The following IRAK3 variants were observed in gnomAD, a reference collection of about 807,000 sequenced individuals.
The protein encoded by IRAK3 is interleukin-1 receptor-associated kinase 3.
A neutral mutation model predicts 56.6 loss-of-function variants in IRAK3; 57 were observed. That is an observed-to-expected ratio of 1.01 (90% CI 0.81 to 1.26). The LOEUF is 1.26. Among genes scored for constraint, IRAK3 ranks in the 50% most tolerant of loss-of-function variants. The probability of loss-of-function intolerance (pLI) is 0.00; values close to 1 mark genes in which losing one functional copy is unlikely to be tolerated. For synonymous variants in IRAK3, 258 were observed against 255.7 expected (o/e 1.01, Z -0.09); for missense variants, 703 against 719.0 (o/e 0.98, Z 0.25).
rs149387831 is a variant in IRAK3 at position 66,224,020 on chromosome 12, G to A, written c.654-2703G>A. 3.7e-3 allele frequency among the ~76,000 whole-genome samples: 555 copies of A among 151,918 alleles called. 4 individuals carry two copies. The highest frequency in any genetic ancestry group is 0.012 in the African/African-American group (515 of 41,428). ...TTGTCTAGGTTTCAAAAATTCTATC[G>A]GCATTTTTAATGCAATTTTAATAAC... On this transcript the variant is annotated intron_variant, in intron 6 of 11. Coordinates refer to ENST00000261233, the MANE Select transcript of IRAK3 (RefSeq NM_007199.3).
chr12:66,246,106 G>A (rs1003951144), intron 11 of IRAK3, among the ~76,000 whole-genome samples: 3 of 152,016 alleles, frequency 2.0e-5, no homozygotes, highest in African/African-American at 7.2e-5. Context: ...TTGCCGTGGA[G>A]CATGAATTCA....
intron 8 of IRAK3, chr12:66,234,850 C>A (rs1224835362): frequency 1.9e-6 from 3 of 1,611,022 alleles, no homozygotes; most frequent in Non-Finnish European, 1.7e-6. Flanking sequence ...TGGAGAGTGG[C>A]AAATTAGAAA....
chr12:66,224,043 A>T (rs1307928109), intron 6 of IRAK3, among the ~76,000 whole-genome samples: 2 of 152,138 alleles, frequency 1.3e-5, no homozygotes, highest in Non-Finnish European at 2.9e-5. Flanking sequence ...CAATTTTAAT[A>T]ACTTTATAGA....
rs1356018930 is a variant in IRAK3 at position 66,247,987 on chromosome 12, GTTC to G, written c.1613_1615del (p.Ser538del). ...AATGAGGAAGCTTGCAACATGCCCA[GTTC>G]TTCTTGTGAAGAAAGTTGGTTCCCA... On this transcript the variant is annotated inframe_deletion, in exon 12 of 12. Transcript: ENST00000261233. The G allele has an allele frequency of 6.2e-7, 1 of 1,605,454 alleles. No individual in the cohort carries two copies. Among genetic ancestry groups the G allele is most frequent in the Admixed American group, 1.7e-5 (1 of 58,304 alleles).
At position 66,244,468 on chromosome 12, in the gene IRAK3, C is replaced by T. The variant is rs757966701; in HGVS notation, c.888-18C>T. 6.2e-7 allele frequency: 1 copy of T among 1,601,860 alleles called. No individual in the cohort carries two copies. Among genetic ancestry groups the T allele is most frequent in the South Asian group, 1.1e-5 (1 of 90,834 alleles). On this transcript the variant is annotated intron_variant, in intron 8 of 11. Transcript: ENST00000261233. Reference sequence around the variant, plus strand: ...CTTTATGATATTTTGTCTTGTTTGTCCCTGATCACAATTTTAGTGCAAACA... The same window carrying T: ...CTTTATGATATTTTGTCTTGTTTGTTCCTGATCACAATTTTAGTGCAAACA...
chr12:66,244,401 G>A lies in IRAK3; in HGVS notation c.888-85G>A. 3 of 949,548 alleles carry A rather than the reference G, an allele frequency of 3.2e-6. No homozygotes were observed. In the South Asian group the frequency reaches 4.0e-5, roughly 13 times the overall value. 58.8% of individuals were successfully genotyped at this position (949,548 alleles called of 1,614,324 possible). On this transcript the variant is annotated intron_variant, in intron 8 of 11. Transcript: ENST00000261233. ...ACAGTGTTTCGAATTAACCAGATAT[G>A]AAGAAGGTGAGTTTATAGTATGTTT...
At chr12:66,221,509 G>A (rs976466250) in intron 6 of IRAK3, among the ~76,000 whole-genome samples, 8 of 152,110 alleles carry the variant, frequency 5.3e-5, no homozygotes, top group Non-Finnish European at 8.8e-5. Flanking sequence ...GTCATATATG[G>A]CATTTATTAC....
chr12:66,196,474 T>C (rs951935439), intron 1 of IRAK3, among the ~76,000 whole-genome samples: 14 of 152,146 alleles, frequency 9.2e-5, no homozygotes, highest in African/African-American at 3.1e-4. Flanking sequence ...GGAATGAAAT[T>C]ACATAGCTTC....
intron 1 of IRAK3, 116 bp from the exon 2 acceptor site, chr12:66,203,595 A>T (rs1482404316): frequency 2.1e-6 from 2 of 953,586 alleles, no homozygotes; most frequent in Non-Finnish European, 3.2e-6. Context: ...AAAAGTTATA[A>T]ATAAGAGGAA....
At chr12:66,240,445 A>C (rs967864205) in intron 8 of IRAK3, among the ~76,000 whole-genome samples, 1 of 152,152 alleles carries the variant, frequency 6.6e-6, no homozygotes, top group Non-Finnish European at 1.5e-5. Flanking sequence ...CCCACAGGGG[A>C]ATAAAGGGTT....
chr12:66,196,166 G>T (rs529941736), intron 1 of IRAK3, among the ~76,000 whole-genome samples: 2 of 152,166 alleles, frequency 1.3e-5, no homozygotes, highest in South Asian at 4.2e-4. Context: ...AGGGAGCAGG[G>T]ATATTTCCTT....
At position 66,204,765 on chromosome 12, in the gene IRAK3, C is replaced by T. The variant is rs1031890045; in HGVS notation, c.316+872C>T. ...GTTCTTTGGTAATATATTTAGTGCG[C>T]ATGAGCCCTTGCGCACACACACACA... On this transcript the variant is annotated intron_variant, in intron 2 of 11. Transcript: ENST00000261233. 1.7e-4 allele frequency among the ~76,000 whole-genome samples: 24 copies of T among 142,614 alleles called. 1 individual carries two copies. Among genetic ancestry groups the T allele is most frequent in the Middle Eastern group, 7.0e-3 (2 of 286 alleles). 93.6% of individuals were successfully genotyped at this position (142,614 alleles called of 152,430 possible). A position where few individuals can be genotyped will look rare whatever the true frequency, so the allele number is the denominator to read the frequency against.
chr12:66,232,222 A>G (rs1033631209), intron 8 of IRAK3, among the ~76,000 whole-genome samples: 1 of 152,338 alleles, frequency 6.6e-6, no homozygotes, highest in African/African-American at 2.4e-5. Flanking sequence ...AAAGAGTTCA[A>G]GGACTTCAAT....
intron 5 of IRAK3, among the ~76,000 whole-genome samples, chr12:66,215,557 C>T (rs928261181): frequency 6.6e-6 from 1 of 152,016 alleles, no homozygotes; most frequent in Non-Finnish European, 1.5e-5. Context: ...AGGGCCTTGC[C>T]CATAGTAGCT....
chr12:66,226,409 T>G (rs1592593700), intron 6 of IRAK3, among the ~76,000 whole-genome samples: 1 of 152,010 alleles, frequency 6.6e-6, no homozygotes, highest in East Asian at 1.9e-4. Flanking sequence ...GCCCAGCTAA[T>G]TTTTGTATTT....
intron 8 of IRAK3, among the ~76,000 whole-genome samples, chr12:66,236,019 T>A (rs2052903946): frequency 6.6e-6 from 1 of 152,208 alleles, no homozygotes; most frequent in African/African-American, 2.4e-5. Flanking sequence ...ATGAAATCCT[T>A]ATCAGTTCAA....
At chr12:66,215,182 A>C (rs982618190) in intron 5 of IRAK3, among the ~76,000 whole-genome samples, 4 of 152,120 alleles carry the variant, frequency 2.6e-5, no homozygotes, top group African/African-American at 9.7e-5. Flanking sequence ...TCTTAATGCC[A>C]ATGTGTCCCT....
intron 1 of IRAK3, among the ~76,000 whole-genome samples, chr12:66,202,113 G>A (rs994530012): frequency 1.3e-5 from 2 of 152,138 alleles, no homozygotes; most frequent in Non-Finnish European, 2.9e-5. Flanking sequence ...CAAGAATAAA[G>A]TTACAAATGA....
chr12:66,211,120 G>A (rs11465958), intron 4 of IRAK3, among the ~76,000 whole-genome samples: 3,266 of 152,284 alleles, frequency 0.021, 35 homozygotes, highest in Non-Finnish European at 0.032. Flanking sequence ...TAGGTTCATA[G>A]TGGGTCAACA....
Sources: allele counts gnomAD v4.1 joint callset (sites outside exome capture counted in the v4.1 genomes callset), GRCh38; gene constraint gnomAD v4.1.1; transcripts MANE v1.5; gene names NCBI Gene and HGNC (gene_info 2026-07-23, HGNC 2026-07-21).